FRMD4A: variants seen among roughly 807,000 people sequenced by gnomAD.
FRMD4A encodes FERM domain containing 4A, also known as FERM domain-containing protein 4A.
In FRMD4A, 29 loss-of-function variants were observed where a neutral mutation model predicts 129.1. The observed-to-expected ratio is 0.22, with a 90% CI of 0.17 to 0.31. FRMD4A has a LOEUF of 0.31. Ranked by LOEUF, FRMD4A falls within the 10% of genes least tolerant of loss-of-function variation. The probability of loss-of-function intolerance (pLI) is 1.00; values close to 1 mark genes in which losing one functional copy is unlikely to be tolerated. For missense variants in FRMD4A, 1,272 were observed against 1,375.8 expected, an observed-to-expected ratio of 0.92 and a Z score of 1.19; for synonymous variants, 634 against 571.6, an observed-to-expected ratio of 1.11 and a Z score of -1.56.
At chr10:14,103,263 T>C (rs1476702343) in intron 2 of FRMD4A, among the ~76,000 whole-genome samples, 1 of 152,246 alleles carries the variant, frequency 6.6e-6, no homozygotes, top group African/African-American at 2.4e-5. Context: ...ATCTAAAATA[T>C]TGTACAAATG....
chr10:13,669,132 G>A (rs910139912), intron 17 of FRMD4A, among the ~76,000 whole-genome samples: 4 of 144,302 alleles, frequency 2.8e-5, no homozygotes, highest in African/African-American at 1.0e-4. Context: ...CGCAACCTTG[G>A]CTCACCGCAA....
In FRMD4A at chr10:13,779,788, C is replaced by CG. The variant is rs2092690843; in HGVS notation, c.384+3133_384+3134insC. Among the ~76,000 whole-genome samples the CG allele has an allele frequency of 2.0e-5, 3 of 146,882 alleles. No homozygotes were observed. In the East Asian group the frequency reaches 5.9e-4, roughly 29 times the overall value. Reference sequence around the variant, plus strand: ...AATAAACTTATGCAAAATTCACTCTCAAAAAAAAAAAAGCAGTGTCTATCT... The same window carrying CG: ...AATAAACTTATGCAAAATTCACTCTCGAAAAAAAAAAAAGCAGTGTCTATCT... On this transcript the variant is annotated intron_variant, in intron 6 of 24. Coordinates refer to ENST00000357447, the MANE Select transcript of FRMD4A (RefSeq NM_018027.5).
chr10:13,795,380 G>A (rs1186827434), intron 5 of FRMD4A, among the ~76,000 whole-genome samples: 1 of 152,190 alleles, frequency 6.6e-6, no homozygotes, highest in Non-Finnish European at 1.5e-5. Context: ...AACGCATTAA[G>A]CGCAAGTTGA....
At chr10:14,000,143 A>G (rs535613791) in intron 2 of FRMD4A, among the ~76,000 whole-genome samples, 2 of 152,340 alleles carry the variant, frequency 1.3e-5, no homozygotes, top group Non-Finnish European at 2.9e-5. Context: ...CCAGATTAGA[A>G]TAAAGATCCA....
intron 2 of FRMD4A, among the ~76,000 whole-genome samples, chr10:13,955,112 C>CTTTTCTTTTTTT (rs2095401776): frequency 9.7e-6 from 1 of 102,974 alleles, no homozygotes; most frequent in African/African-American, 3.9e-5. Context: ...AATAATTCTG[C>CTTTTCTTTTTTT]TTTTTTTTTT....
At chr10:13,791,387 G>A (rs752154693) in intron 5 of FRMD4A, among the ~76,000 whole-genome samples, 13 of 126,288 alleles carry the variant, frequency 1.0e-4, no homozygotes, top group Non-Finnish European at 2.1e-4. Context: ...CAGAAGCTCG[G>A]GGGTAGAAAT....
At chr10:13,897,794 C>T (rs181961206) in intron 2 of FRMD4A, among the ~76,000 whole-genome samples, 51 of 151,552 alleles carry the variant, frequency 3.4e-4, no homozygotes, top group Admixed American at 9.9e-4. Context: ...AAAAATTAGC[C>T]GGGTGTGGTT....
Position 13,972,485 on chromosome 10 carries a change from C to T in FRMD4A, c.46-113573G>A, listed in dbSNP as rs1175798605. The T allele has an allele frequency of 2.5e-5, 5 of 202,526 alleles. No homozygotes were observed. In the Admixed American group the frequency reaches 2.6e-4, roughly 11 times the overall value. The allele number at this position is 202,526 out of a possible 1,614,324, so 12.5% of individuals were successfully genotyped here. A position where few individuals can be genotyped will look rare whatever the true frequency, so the allele number is the denominator to read the frequency against. ...ACTTATCTGATGGATTTCATATCAA[C>T]ATCCAAGATTTGGAGGAAAGCAGGG... On this transcript the variant is annotated intron_variant, in intron 2 of 24. Transcript: ENST00000357447.
chr10:13,782,712 G>C (rs2092767785), intron 6 of FRMD4A, among the ~76,000 whole-genome samples: 1 of 152,190 alleles, frequency 6.6e-6, no homozygotes, highest in South Asian at 2.1e-4. Flanking sequence ...AAAGTGTTGG[G>C]ATTACAGGCG....
Position 13,773,815 on chromosome 10 carries a change from T to A in FRMD4A, c.384+9107A>T, listed in dbSNP as rs553822145. On this transcript the variant is annotated intron_variant, in intron 6 of 24. Coordinates refer to ENST00000357447, the MANE Select transcript of FRMD4A (RefSeq NM_018027.5). The stretch of plus-strand genomic sequence containing the variant: ...CATTCCCTGACTCGCTCCTGTCTCA[T>A]GGGACAAGTCCGCTGCCTCCTGCAG... 9.2e-5 allele frequency among the ~76,000 whole-genome samples: 14 copies of A among 152,314 alleles called. No individual in the cohort carries two copies. In the South Asian group the frequency reaches 2.9e-3, roughly 32 times the overall value.
chr10:14,104,392 T>C (rs908638626), intron 2 of FRMD4A, among the ~76,000 whole-genome samples: 3 of 152,252 alleles, frequency 2.0e-5, no homozygotes, highest in Non-Finnish European at 4.4e-5. Flanking sequence ...ATCTCTTACT[T>C]TGATTTACAC....
At chr10:14,177,638 C>T (rs1288067344) in intron 2 of FRMD4A, among the ~76,000 whole-genome samples, 1 of 152,136 alleles carries the variant, frequency 6.6e-6, no homozygotes, top group African/African-American at 2.4e-5. Context: ...GGGGACTATG[C>T]CAAGGTTAAA....
chr10:14,187,480 T>C (rs1475986125), intron 2 of FRMD4A, among the ~76,000 whole-genome samples: 1 of 152,228 alleles, frequency 6.6e-6, no homozygotes. Flanking sequence ...GTGGAATGAC[T>C]GACTTAGAGA....
chr10:13,661,724 T>A (rs188518493), intron 19 of FRMD4A, among the ~76,000 whole-genome samples: 1 of 151,870 alleles, frequency 6.6e-6, no homozygotes, highest in African/African-American at 2.4e-5. Context: ...CAGGTCAGCA[T>A]TGAGAAGAGA....
In FRMD4A at chr10:13,990,586, G is replaced by A. The variant is rs997917424; in HGVS notation, c.46-131674C>T. On this transcript the variant is annotated intron_variant, in intron 2 of 24. Transcript: ENST00000357447. ...TCCAGGATGGAAGCAAAGCCTGCCC[G>A]GGAAACCTTCCATTGCAGGAACATC... Among the ~76,000 whole-genome samples, 78 of 152,064 alleles carry A rather than the reference G, an allele frequency of 5.1e-4. 1 individual carries two copies. The highest frequency in any genetic ancestry group is 5.0e-3 in the Admixed American group (77 of 15,248).
intron 2 of FRMD4A, among the ~76,000 whole-genome samples, chr10:14,074,116 A>T (rs544251842): frequency 5.8e-4 from 89 of 152,284 alleles, no homozygotes; most frequent in Admixed American, 1.0e-3. Context: ...CTCAAAAAAA[A>T]TTTTTTTTGT....
intron 2 of FRMD4A, among the ~76,000 whole-genome samples, chr10:14,087,923 G>C (rs1454506138): frequency 6.6e-6 from 1 of 152,192 alleles, no homozygotes; most frequent in Non-Finnish European, 1.5e-5. Flanking sequence ...TGTTGCAGCG[G>C]CTTCTGCTGG....
chr10:14,326,087 A>G (rs990297993), intron 2 of FRMD4A: 1 of 152,250 alleles, frequency 6.6e-6, no homozygotes, highest in South Asian at 2.1e-4. Context: ...GTCTGAGAGA[A>G]TAGAACCTTG....
intron 2 of FRMD4A, among the ~76,000 whole-genome samples, chr10:14,126,985 G>A (rs1407779035): frequency 6.6e-6 from 1 of 152,154 alleles, no homozygotes; most frequent in African/African-American, 2.4e-5. Flanking sequence ...TCACAACAGT[G>A]AGCAAGAATG....
Sources: gnomAD v4.1 joint callset for allele counts (sites outside exome capture counted in the v4.1 genomes callset) on GRCh38, gnomAD v4.1.1 for gene constraint, MANE v1.5 for transcripts, NCBI Gene and HGNC (gene_info 2026-07-23, HGNC 2026-07-21) for gene names.